The following INPP4B variants were observed in gnomAD, a reference collection of about 807,000 sequenced individuals.
The protein encoded by INPP4B is inositol polyphosphate 4-phosphatase type II.
In INPP4B, 55 loss-of-function variants were observed where a neutral mutation model predicts 122.5. The observed-to-expected ratio is 0.45, with a 90% CI of 0.36 to 0.56. INPP4B has a LOEUF of 0.56. INPP4B is among the 20% of genes least tolerant of loss of function. INPP4B has a pLI of 0.00. For missense variants in INPP4B, 1,000 were observed against 1,097.7 expected, an observed-to-expected ratio of 0.91 and a Z score of 1.26; for synonymous variants, 403 against 388.7, an observed-to-expected ratio of 1.04 and a Z score of -0.43.
intron 17 of INPP4B, among the ~76,000 whole-genome samples, chr4:142,152,025 G>A (rs1579089725): frequency 7.3e-6 from 1 of 137,482 alleles, no homozygotes; most frequent in African/African-American, 2.8e-5. Flanking sequence ...CTCCAAGAAT[G>A]TTTCATGCTT....
Position 142,741,301 on chromosome 4 carries a change from C to T in INPP4B, c.-253-15400G>A, listed in dbSNP as rs115679185. Among the ~76,000 whole-genome samples the T allele has an allele frequency of 5.5e-3, 834 of 152,006 alleles. 2 individuals are homozygous for T. The highest frequency in any genetic ancestry group is 7.9e-3 in the Non-Finnish European group (540 of 67,932). On this transcript the variant is annotated intron_variant, in intron 1 of 25. Coordinates refer to ENST00000262992, the MANE Select transcript of INPP4B (RefSeq NM_001101669.3). ...TGGTGGAGGGTGAAGAGGGAGTAGA[C>T]ACATCACATGGCAAGAGTGGGAGTA...
At chr4:142,435,851 A>G (rs1451506699) in intron 3 of INPP4B, among the ~76,000 whole-genome samples, 2 of 152,080 alleles carry the variant, frequency 1.3e-5, no homozygotes, top group Non-Finnish European at 2.9e-5. Flanking sequence ...GCAGATTCTC[A>G]ACAGCCACTT....
intron 2 of INPP4B, among the ~76,000 whole-genome samples, chr4:142,499,503 T>C (rs1823080881): frequency 6.6e-6 from 1 of 152,184 alleles, no homozygotes; most frequent in Non-Finnish European, 1.5e-5. Context: ...GACAGACTCA[T>C]TGAGGCGATT....
intron 2 of INPP4B, among the ~76,000 whole-genome samples, chr4:142,523,586 C>G (rs917175833): frequency 6.6e-6 from 1 of 152,050 alleles, no homozygotes; most frequent in African/African-American, 2.4e-5. Flanking sequence ...TCCACTCTTC[C>G]CACAATGTCC....
chr4:142,211,179 A>C (rs1476015152), intron 12 of INPP4B, among the ~76,000 whole-genome samples: 1 of 152,228 alleles, frequency 6.6e-6, no homozygotes, highest in African/African-American at 2.4e-5. Context: ...GTAATAAACC[A>C]GACACAGTAA....
chr4:142,379,888 A>G (rs1793431203), intron 7 of INPP4B, among the ~76,000 whole-genome samples: 1 of 152,220 alleles, frequency 6.6e-6, no homozygotes, highest in African/African-American at 2.4e-5. Flanking sequence ...CAGCTGTGCC[A>G]GGAATGCTAC....
chr4:142,818,752 T>C (rs188939127), intron 1 of INPP4B, among the ~76,000 whole-genome samples: 1 of 152,196 alleles, frequency 6.6e-6, no homozygotes, highest in Admixed American at 6.6e-5. Flanking sequence ...CTCTGTCAGG[T>C]CACTGTTCAA....
chr4:142,654,135 C>T (rs189042487), intron 2 of INPP4B, among the ~76,000 whole-genome samples: 1 of 152,158 alleles, frequency 6.6e-6, no homozygotes, highest in Admixed American at 6.5e-5. Context: ...AAACCAAACA[C>T]CACATGTTCT....
chr4:142,827,639 C>T (rs1212618347), intron 1 of INPP4B, among the ~76,000 whole-genome samples: 1 of 151,904 alleles, frequency 6.6e-6, no homozygotes, highest in East Asian at 1.9e-4. Flanking sequence ...AATATATTTC[C>T]TAAAGAGAAG....
chr4:142,438,695 CAAAT>C (rs145276881), intron 3 of INPP4B, among the ~76,000 whole-genome samples: 2,522 of 152,104 alleles, frequency 0.017, 73 homozygotes, highest in African/African-American at 0.058. Context: ...GCAAAATTGA[CAAAT>C]AAAATCTAAT....
At chr4:142,475,296 A>C (rs1560700374) in intron 2 of INPP4B, among the ~76,000 whole-genome samples, 5 of 150,048 alleles carry the variant, frequency 3.3e-5, no homozygotes, top group East Asian at 2.0e-4. Flanking sequence ...AAAAACCCCC[A>C]AAAAACAAAA....
intron 1 of INPP4B, chr4:142,766,144 G>A (rs1254438867): frequency 6.6e-6 from 1 of 152,014 alleles, no homozygotes; most frequent in Admixed American, 6.6e-5. Flanking sequence ...TTCTCATTAT[G>A]TTAAATTTTA....
intron 2 of INPP4B, among the ~76,000 whole-genome samples, chr4:142,476,622 T>C (rs1200839584): frequency 5.3e-5 from 8 of 152,102 alleles, no homozygotes; most frequent in African/African-American, 1.7e-4. Context: ...TGGAGAAATA[T>C]CTACCAAGCA....
intron 2 of INPP4B, among the ~76,000 whole-genome samples, chr4:142,513,304 G>A (rs1038177177): frequency 6.6e-6 from 1 of 152,134 alleles, no homozygotes; most frequent in Non-Finnish European, 1.5e-5. Flanking sequence ...TGTGTTAGGG[G>A]GAAAGCTGGG....
intron 2 of INPP4B, among the ~76,000 whole-genome samples, chr4:142,613,987 C>T (rs1200987151): frequency 6.6e-6 from 1 of 152,192 alleles, no homozygotes; most frequent in African/African-American, 2.4e-5. Context: ...TATACTTAAA[C>T]ACAGTGGTGA....
chr4:142,602,764 A>C (rs952246366), intron 2 of INPP4B, among the ~76,000 whole-genome samples: 20 of 152,214 alleles, frequency 1.3e-4, no homozygotes, highest in African/African-American at 3.9e-4. Context: ...CGTTGGTGGG[A>C]GTGTAAATTA....
intron 1 of INPP4B, among the ~76,000 whole-genome samples, chr4:142,777,891 A>T (rs1290011560): frequency 6.6e-6 from 1 of 151,890 alleles, no homozygotes; most frequent in African/African-American, 2.4e-5. Context: ...TACCAGCAGG[A>T]TTGGCTATAT....
intron 3 of INPP4B, among the ~76,000 whole-genome samples, chr4:142,444,348 G>A (rs781723915): frequency 1.8e-4 from 27 of 152,220 alleles, no homozygotes; most frequent in Non-Finnish European, 3.8e-4. Context: ...TGTGGGCGTA[G>A]GATATGAACA....
At chr4:142,714,062 C>T (rs1286650193) in intron 2 of INPP4B, among the ~76,000 whole-genome samples, 2 of 152,154 alleles carry the variant, frequency 1.3e-5, no homozygotes, top group Non-Finnish European at 2.9e-5. Context: ...GATTTCTTTA[C>T]AGCAAGATTT....
Sources: gnomAD v4.1 joint callset for allele counts (sites outside exome capture counted in the v4.1 genomes callset) on GRCh38, gnomAD v4.1.1 for gene constraint, MANE v1.5 for transcripts, NCBI Gene and HGNC (gene_info 2026-07-23, HGNC 2026-07-21) for gene names.